The following STK10 variants were observed in gnomAD, a reference collection of about 807,000 sequenced individuals.
STK10 encodes the protein serine/threonine kinase 10.
In STK10, 78 loss-of-function variants were observed where a neutral mutation model predicts 113.8. The ratio of observed to expected loss-of-function variants is 0.69; its 90% confidence interval spans 0.57 to 0.83. The LOEUF (loss-of-function observed/expected upper bound fraction) is 0.83, where lower values mean the gene tolerates loss of function less well. Among genes scored for constraint, STK10 ranks in the 40% least tolerant of loss-of-function variants. STK10 has a pLI of 0.00. For synonymous variants in STK10, 465 were observed against 494.7 expected (o/e 0.94, Z 0.80); for missense variants, 1,109 against 1,280.1 (o/e 0.87, Z 2.04).
chr5:172,169,079 C>T (rs999225566), intron 1 of STK10, among the ~76,000 whole-genome samples: 3 of 152,144 alleles, frequency 2.0e-5, no homozygotes, highest in South Asian at 2.1e-4. Flanking sequence ...CAGAGAACAC[C>T]TCCTCCCTAC....
intron 7 of STK10, 136 bp downstream of exon 7, chr5:172,105,520 G>A (rs1306925689): frequency 1.1e-6 from 1 of 909,502 alleles, no homozygotes; most frequent in Non-Finnish European, 1.7e-6. Flanking sequence ...AGGTGCCTGG[G>A]GAATACCCGC....
At chr5:172,185,094 C>T (rs1770930100) in intron 1 of STK10, among the ~76,000 whole-genome samples, 1 of 152,016 alleles carries the variant, frequency 6.6e-6, no homozygotes, top group South Asian at 2.1e-4. Flanking sequence ...GGGACTAAAG[C>T]AGGAGGAAAC....
At chr5:172,096,634 AC>A (rs1276650484) in intron 7 of STK10, 74 bp from the exon 8 acceptor site, 2 of 1,576,968 alleles carry the variant, frequency 1.3e-6, no homozygotes, top group South Asian at 1.1e-5. Context: ...GGGGGAGCTC[AC>A]CCCCGGGGCA....
At chr5:172,146,237 T>C (rs1019036164) in intron 2 of STK10, among the ~76,000 whole-genome samples, 6 of 152,138 alleles carry the variant, frequency 3.9e-5, no homozygotes, top group African/African-American at 1.4e-4. Context: ...AAGCATGTGT[T>C]GGTGAGTGAA....
chr5:172,054,634 C>T lies in STK10; in HGVS notation c.2587G>A (p.Glu863Lys), dbSNP rs1167714400. ...SERLQQQQKH[E>K]NQMRDMLAQC... ...GCCAGCATGTCCCGCATCTGGTTCT[C>T]GTGTTTCTGCTGTTGCTGCAGCCGC... Residue 863 changes from glutamate to lysine, a missense_variant, in exon 17 of 19, where the codon GAG becomes AAG. Glu to Lys is a moderately conservative substitution (Grantham distance 56). Coordinates refer to ENST00000176763, the MANE Select transcript of STK10 (RefSeq NM_005990.4). 2.5e-6 allele frequency: 4 copies of T among 1,611,074 alleles called. No homozygotes were observed. The highest frequency in any genetic ancestry group is 1.7e-6 in the Non-Finnish European group (2 of 1,179,878).
chr5:172,164,739 AG>A (rs1319612941), intron 1 of STK10, among the ~76,000 whole-genome samples: 1 of 152,152 alleles, frequency 6.6e-6, no homozygotes, highest in African/African-American at 2.4e-5. Flanking sequence ...TGGAAAGCTA[AG>A]GGTGGTCCAA....
chr5:172,052,994 C>A lies in STK10; in HGVS notation c.2701G>T (p.Ala901Ser), dbSNP rs1313229236. 2.5e-6 allele frequency: 4 copies of A among 1,614,190 alleles called. No homozygotes were observed. Among genetic ancestry groups the A allele is most frequent in the Non-Finnish European group, 3.4e-6 (4 of 1,180,044 alleles). Residue 901 changes from alanine (A) to serine (S), a missense_variant, in exon 18 of 19, where the codon GCC becomes TCC. By Grantham distance (99) the Ala-to-Ser change is moderately conservative. Coordinates refer to ENST00000176763, the MANE Select transcript of STK10 (RefSeq NM_005990.4). ...TTCTGGTTATGGCTCTCATCCAGGGCCTTCAGTTTCTGGGTTTCGTGCTCT... is the reference window on the plus strand; with the variant it reads ...TTCTGGTTATGGCTCTCATCCAGGGACTTCAGTTTCTGGGTTTCGTGCTCT... ...LVEHETQKLK[A>S]LDESHNQNLK...
Position 172,061,594 on chromosome 5 carries a change from G to A in STK10, c.2083-326C>T, listed in dbSNP as rs1005874650. 1.6e-5 allele frequency: 3 copies of A among 192,654 alleles called. No homozygotes were observed. The South Asian group carries it at 2.6e-4, about 17-fold the overall frequency. The allele number at this position is 192,654 out of a possible 1,614,324, so 11.9% of individuals were successfully genotyped here. On this transcript the variant is annotated intron_variant, in intron 13 of 18. Transcript: ENST00000176763. ...AGCCTCCTGAGTAGCTGGGATTATA[G>A]GTGAGCACCACCACTCCTGACTAAT...
chr5:172,165,792 G>C (rs1468277616), intron 1 of STK10, among the ~76,000 whole-genome samples: 2 of 77,796 alleles, frequency 2.6e-5, no homozygotes, highest in Non-Finnish European at 4.5e-5. Context: ...TTGGTTGTTT[G>C]CTTTTTTTTT....
intron 3 of STK10, among the ~76,000 whole-genome samples, chr5:172,124,569 C>T (rs1190416842): frequency 1.3e-5 from 2 of 152,160 alleles, no homozygotes; most frequent in Non-Finnish European, 2.9e-5. Context: ...GGCTCTGTAA[C>T]GAAGGCTTGT....
chr5:172,055,707 T>C lies in STK10; in HGVS notation c.2407A>G (p.Lys803Glu). The C allele has an allele frequency of 6.3e-7, 1 of 1,583,402 alleles. No homozygotes were observed. The highest frequency in any genetic ancestry group is 8.6e-7 in the Non-Finnish European group (1 of 1,161,956). ...EQLKVRQQQEKARLPKIQRSE... is the reference protein window; with the variant it reads ...EQLKVRQQQEEARLPKIQRSE... The stretch of plus-strand genomic sequence containing the variant: ...CTCTGGATCTTGGGCAGCCGCGCCT[T>C]TTCCTGTTGCTGCCGCACCTTCAGC... The change falls in exon 16 of 19, where the codon AAG becomes GAG. Residue 803 changes from lysine (K) to glutamate (E), a missense_variant. Lys to Glu is a moderately conservative substitution (Grantham distance 56, BLOSUM62 1). Around this residue, in one of 5 missense-constraint regions of STK10, gnomAD observed 885 missense variants for 991.1 expected, o/e 0.89. Transcript: ENST00000176763.
At chr5:172,157,294 C>T (rs1013268738) in intron 1 of STK10, among the ~76,000 whole-genome samples, 9 of 152,080 alleles carry the variant, frequency 5.9e-5, no homozygotes, top group African/African-American at 2.2e-4. Context: ...TGCGGTGGCT[C>T]ACACCTGTAA....
chr5:172,064,690 T>C, intron 13 of STK10, 30 bp downstream of exon 13: 1 of 1,612,202 alleles, frequency 6.2e-7, no homozygotes, highest in Admixed American at 1.7e-5. Flanking sequence ...CACCAGCCCC[T>C]GCGCTCCCCA....
intron 14 of STK10, among the ~76,000 whole-genome samples, chr5:172,058,204 G>A (rs1767849698): frequency 1.3e-5 from 2 of 152,082 alleles, no homozygotes; most frequent in Non-Finnish European, 2.9e-5. Context: ...TTCCTGTTCC[G>A]TGCAAAATGG....
chr5:172,102,643 C>T (rs1236736778), intron 7 of STK10, among the ~76,000 whole-genome samples: 1 of 152,062 alleles, frequency 6.6e-6, no homozygotes, highest in Non-Finnish European at 1.5e-5. Flanking sequence ...AGGAGGAGAT[C>T]GACTGGGCTG....
intron 2 of STK10, among the ~76,000 whole-genome samples, chr5:172,136,568 G>T (rs1210384446): frequency 6.6e-6 from 1 of 152,108 alleles, no homozygotes; most frequent in Non-Finnish European, 1.5e-5. Flanking sequence ...CTGCACTCCA[G>T]CCTGGGCGAC....
intron 3 of STK10, among the ~76,000 whole-genome samples, chr5:172,119,462 T>A (rs1399000954): frequency 6.6e-6 from 1 of 152,116 alleles, no homozygotes; most frequent in African/African-American, 2.4e-5. Flanking sequence ...ATGCCTGTAG[T>A]GCCAGCTACT....
At chr5:172,152,760 A>G (rs1581180924) in intron 2 of STK10, among the ~76,000 whole-genome samples, 1 of 152,224 alleles carries the variant, frequency 6.6e-6, no homozygotes, top group African/African-American at 2.4e-5. Context: ...AACACAGATC[A>G]AGGACTTCTG....
intron 1 of STK10, among the ~76,000 whole-genome samples, chr5:172,182,159 C>T (rs1245549381): frequency 2.6e-5 from 4 of 151,650 alleles, no homozygotes; most frequent in Admixed American, 6.6e-5. Context: ...AAAAATTAGC[C>T]GGGTGTGGCG....
Sources: allele counts gnomAD v4.1 joint callset (sites outside exome capture counted in the v4.1 genomes callset), GRCh38; gene constraint gnomAD v4.1.1; regional missense constraint gnomAD v4.1.1; transcripts MANE v1.5; gene names NCBI Gene and HGNC (gene_info 2026-07-23, HGNC 2026-07-21).